The following TRPM7 variants were observed in gnomAD, a reference collection of about 807,000 sequenced individuals.
TRPM7 encodes the protein LTRPC ion channel family member 7.
TRPM7 carries 134 observed loss-of-function variants against 229.7 expected under a neutral mutation model. That is an observed-to-expected ratio of 0.58 (90% CI 0.51 to 0.67). The LOEUF (loss-of-function observed/expected upper bound fraction) is 0.67, where lower values mean the gene tolerates loss of function less well. Ranked by LOEUF, TRPM7 falls within the 30% of genes least tolerant of loss-of-function variation. The pLI, the probability that TRPM7 is intolerant of heterozygous loss-of-function variation, is 0.00. For synonymous variants in TRPM7, 699 were observed against 715.2 expected (o/e 0.98, Z 0.36); for missense variants, 1,901 against 2,210.0 (o/e 0.86, Z 2.80).
Position 50,557,253 on chromosome 15 carries a change from G to A in TRPM7, c.*4425C>T, listed in dbSNP as rs767000959. 5 of 152,160 alleles carry A rather than the reference G, an allele frequency of 3.3e-5. No individual in the cohort carries two copies. Among genetic ancestry groups the A allele is most frequent in the African/African-American group, 4.8e-5 (2 of 41,438 alleles). 9.4% of individuals were successfully genotyped at this position (152,160 alleles called of 1,614,324 possible). A position where few individuals can be genotyped will look rare whatever the true frequency, so the allele number is the denominator to read the frequency against. On this transcript the variant is annotated 3_prime_UTR_variant, in exon 39 of 39. Coordinates refer to ENST00000646667, the MANE Select transcript of TRPM7 (RefSeq NM_017672.6). ...ACATTACGACCCATCTCTTCAAGAG[G>A]AAGTCTGGTATTATGGAAAAACATT...
Position 50,629,375 on chromosome 15 carries a change from T to C in TRPM7, c.1205-1126A>G, listed in dbSNP as rs929551599. ...GCAACCTCTGCCTCCTGGGCTCAAC[T>C]GATCCTCCCACCTCAGCCTCTCAAG... On this transcript the variant is annotated intron_variant, in intron 10 of 38. Transcript: ENST00000646667. Among the ~76,000 whole-genome samples, 73 of 149,490 alleles carry C rather than the reference T, an allele frequency of 4.9e-4. 4 individuals are homozygous for C. The highest frequency in any genetic ancestry group is 1.7e-3 in the African/African-American group (68 of 39,906).
At chr15:50,679,537 T>TTATATATATGTGTATATATATA (rs1567129635) in intron 1 of TRPM7, among the ~76,000 whole-genome samples, 4 of 31,556 alleles carry the variant, frequency 1.3e-4, no homozygotes, top group African/African-American at 3.8e-4. Flanking sequence ...TATATATATA[T>TTATATATATGTGTATATATATA]ATTTTTTTTT....
At chr15:50,628,096 T>C (rs1463293954) in intron 11 of TRPM7, 53 bp downstream of exon 11, 83 of 1,304,520 alleles carry the variant, frequency 6.4e-5, no homozygotes, top group Non-Finnish European at 8.2e-5. Context: ...GCAAATACTT[T>C]TTTATTACTT....
chr15:50,575,970 A>T (rs762509268), intron 31 of TRPM7, 51 bp from the exon 32 acceptor site: 24 of 1,557,294 alleles, frequency 1.5e-5, no homozygotes, highest in African/African-American at 2.7e-5. Context: ...CTAGTACAGC[A>T]AAAATTTTAA....
intron 34 of TRPM7, 35 bp from the exon 35 acceptor site, chr15:50,574,754 A>G (rs1381219122): frequency 6.3e-7 from 1 of 1,592,480 alleles, no homozygotes; most frequent in Non-Finnish European, 8.6e-7. Context: ...CCCTTGTTTA[A>G]TATTTAAACT....
chr15:50,623,397 C>A (rs546688983), intron 12 of TRPM7, among the ~76,000 whole-genome samples: 3 of 142,764 alleles, frequency 2.1e-5, no homozygotes, highest in African/African-American at 5.3e-5. Context: ...GGTGACAGAG[C>A]GAGATTCTGT....
intron 36 of TRPM7, among the ~76,000 whole-genome samples, chr15:50,570,857 A>C (rs1381474917): frequency 1.3e-5 from 2 of 151,146 alleles, no homozygotes; most frequent in Non-Finnish European, 3.0e-5. Context: ...TCGTCTCAAA[A>C]AAAAAACAAA....
intron 1 of TRPM7, among the ~76,000 whole-genome samples, chr15:50,680,889 A>C (rs1329596413): frequency 6.6e-6 from 1 of 152,166 alleles, no homozygotes; most frequent in African/African-American, 2.4e-5. Flanking sequence ...GTGATTTTTG[A>C]TTCTCTGCTC....
chr15:50,610,685 A>G (rs1041756277), intron 17 of TRPM7, among the ~76,000 whole-genome samples: 1 of 152,182 alleles, frequency 6.6e-6, no homozygotes, highest in Non-Finnish European at 1.5e-5. Flanking sequence ...TATAATGGGT[A>G]TATCAATATA....
chr15:50,650,913 G>A (rs970589899), intron 3 of TRPM7, among the ~76,000 whole-genome samples: 4 of 152,196 alleles, frequency 2.6e-5, no homozygotes, highest in Admixed American at 1.3e-4. Flanking sequence ...CATTGGCCGG[G>A]CGTGGTAGCT....
At chr15:50,643,689 T>C in intron 4 of TRPM7, 136 bp from the exon 5 acceptor site, 1 of 640,936 alleles carries the variant, frequency 1.6e-6, no homozygotes, top group Non-Finnish European at 2.7e-6. Context: ...TTCAATATAT[T>C]TATACTCCAA....
intron 21 of TRPM7, among the ~76,000 whole-genome samples, chr15:50,601,821 G>A (rs934763730): frequency 2.6e-5 from 4 of 151,694 alleles, no homozygotes; most frequent in South Asian, 2.1e-4. Flanking sequence ...GGCAAAAACC[G>A]CAATTACTTT....
At chr15:50,680,723 A>T (rs941757137) in intron 1 of TRPM7, among the ~76,000 whole-genome samples, 28 of 151,862 alleles carry the variant, frequency 1.8e-4, no homozygotes, top group Non-Finnish European at 2.1e-4. Context: ...TAACTTTTTT[A>T]AAAAAAACCT....
chr15:50,589,319 CAAAAAAA>C lies in TRPM7; in HGVS notation c.4389+266_4389+272del, dbSNP rs34653276. On this transcript the variant is annotated intron_variant, in intron 27 of 38. Coordinates refer to ENST00000646667, the MANE Select transcript of TRPM7 (RefSeq NM_017672.6). ...CCCAGGTGACAGCGAGACTCCGTCT[CAAAAAAA>C]AAAAAAAAAAAAAAAGAGAGAAATG... 4.6e-3 allele frequency among the ~76,000 whole-genome samples: 375 copies of C among 81,594 alleles called. 5 individuals carry two copies. Among genetic ancestry groups the C allele is most frequent in the Admixed American group, 0.045 (315 of 7,028 alleles). 53.5% of individuals were successfully genotyped at this position (81,594 alleles called of 152,430 possible).
At chr15:50,653,900 G>A (rs911915864) in intron 3 of TRPM7, among the ~76,000 whole-genome samples, 11 of 152,124 alleles carry the variant, frequency 7.2e-5, no homozygotes, top group African/African-American at 2.4e-4. Flanking sequence ...GGAAGACATA[G>A]CAGTTTTAGT....
At chr15:50,618,592 TAAATAAATAAATAAATAAATAAAC>T (rs2060297802) in intron 13 of TRPM7, among the ~76,000 whole-genome samples, 1 of 146,926 alleles carries the variant, frequency 6.8e-6, no homozygotes, top group Admixed American at 7.1e-5. Flanking sequence ...AATAAATAAA[TAAATAAATAAATAAATAAATAAAC>T]GTATGTTAAA....
intron 1 of TRPM7, among the ~76,000 whole-genome samples, chr15:50,668,335 C>T (rs530936458): frequency 2.0e-5 from 3 of 152,128 alleles, no homozygotes; most frequent in Non-Finnish European, 4.4e-5. Context: ...TAAAACGTCG[C>T]TGATCCTTTA....
At chr15:50,620,525 T>TA (rs1406072287) in intron 12 of TRPM7, among the ~76,000 whole-genome samples, 1 of 152,216 alleles carries the variant, frequency 6.6e-6, no homozygotes, top group African/African-American at 2.4e-5. Flanking sequence ...GAGAAAAAGT[T>TA]ATTTTCTTTG....
intron 36 of TRPM7, among the ~76,000 whole-genome samples, chr15:50,573,950 G>A (rs1250813604): frequency 6.6e-6 from 1 of 151,884 alleles, no homozygotes; most frequent in Non-Finnish European, 1.5e-5. Context: ...CCAACTACTC[G>A]GGAGGCTGAG....
Sources: gnomAD v4.1 joint callset for allele counts (sites outside exome capture counted in the v4.1 genomes callset) on GRCh38, gnomAD v4.1.1 for gene constraint, MANE v1.5 for transcripts, NCBI Gene and HGNC (gene_info 2026-07-23, HGNC 2026-07-21) for gene names.